Variants in RGPD2 observed in about 807,000 individuals in gnomAD.
The protein encoded by RGPD2 is RANBP2-like and GRIP domain-containing protein 2.
Under a neutral mutation model 36.0 loss-of-function variants are expected in RGPD2, and 2 were observed. That is an observed-to-expected ratio of 0.06 (90% CI 0.02 to 0.17). The LOEUF is 0.17. Among genes scored for constraint, RGPD2 ranks in the 10% least tolerant of loss-of-function variants. The pLI is 1.00. For synonymous variants in RGPD2, 19 were observed against 163.8 expected (o/e 0.12, Z 6.75); for missense variants, 40 against 464.3 (o/e 0.09, Z 8.40).
the RGPD2 span, among the ~76,000 whole-genome samples, chr2:87,880,294 G>A: frequency 6.6e-6 from 1 of 151,726 alleles, no homozygotes; most frequent in Admixed American, 6.6e-5. Context: ...TTCATTTGCT[G>A]TGCAAATGAT....
the RGPD2 span, among the ~76,000 whole-genome samples, chr2:87,848,957 C>A: frequency 1.3e-5 from 2 of 149,816 alleles, no homozygotes; most frequent in Non-Finnish European, 3.0e-5. Flanking sequence ...TTCTCAGAGA[C>A]CTATGACAAA....
chr2:87,889,343 GTT>G, the RGPD2 span, among the ~76,000 whole-genome samples: 2 of 30,192 alleles, frequency 6.6e-5, no homozygotes, highest in African/African-American at 2.8e-4. Context: ...ATAAACTACT[GTT>G]TTTTTTAAAA....
the RGPD2 span, among the ~76,000 whole-genome samples, chr2:87,984,171 A>C: frequency 6.6e-6 from 1 of 151,380 alleles, no homozygotes; most frequent in African/African-American, 2.4e-5. Context: ...AATAAGATAA[A>C]ATTTCTCAGG....
At chr2:87,878,635 A>T in the RGPD2 span, among the ~76,000 whole-genome samples, 2 of 152,262 alleles carry the variant, frequency 1.3e-5, no homozygotes, top group African/African-American at 4.8e-5. Flanking sequence ...ATACATTATT[A>T]TTAACTATAG....
At chr2:87,857,615 G>A in the RGPD2 span, among the ~76,000 whole-genome samples, 3 of 150,262 alleles carry the variant, frequency 2.0e-5, no homozygotes, top group South Asian at 2.1e-4. Flanking sequence ...GTGAGCCACC[G>A]CGCCTGGCCC....
At chr2:87,924,424 G>A in the RGPD2 span, among the ~76,000 whole-genome samples, 1 of 149,592 alleles carries the variant, frequency 6.7e-6, no homozygotes, top group Non-Finnish European at 1.5e-5. Context: ...CGTTCGAGCA[G>A]TGAGGATTCT....
the RGPD2 span, among the ~76,000 whole-genome samples, chr2:87,872,026 C>CT: frequency 1.4e-5 from 2 of 144,828 alleles, no homozygotes. Flanking sequence ...TCACATAGGC[C>CT]TAAGAGGCAT....
At chr2:87,866,467 A>G in the RGPD2 span, among the ~76,000 whole-genome samples, 1 of 152,066 alleles carries the variant, frequency 6.6e-6, no homozygotes, top group African/African-American at 2.4e-5. Flanking sequence ...CATCATTTTG[A>G]ATATTATTGA....
At chr2:87,872,384 CA>C in the RGPD2 span, among the ~76,000 whole-genome samples, 2 of 150,934 alleles carry the variant, frequency 1.3e-5, no homozygotes, top group African/African-American at 4.9e-5. Flanking sequence ...ACATGATAAA[CA>C]GAAAAAAAAA....
chr2:87,915,550 GTA>G, the RGPD2 span, among the ~76,000 whole-genome samples: 1 of 137,498 alleles, frequency 7.3e-6, no homozygotes, highest in Non-Finnish European at 1.6e-5. Context: ...ATATATATGT[GTA>G]TGTGTATATA....
At chr2:87,971,486 T>TAAATATATA in the RGPD2 span, among the ~76,000 whole-genome samples, 2 of 132,130 alleles carry the variant, frequency 1.5e-5, no homozygotes, top group Non-Finnish European at 1.6e-5. Context: ...GAATATATTA[T>TAAATATATA]TATCTTCTCT....
At chr2:87,864,999 A>G in the RGPD2 span, among the ~76,000 whole-genome samples, 35 of 151,634 alleles carry the variant, frequency 2.3e-4, no homozygotes, top group African/African-American at 7.6e-4. Context: ...TTGTTATGCT[A>G]TGACTAACCT....
the RGPD2 span, among the ~76,000 whole-genome samples, chr2:87,861,601 T>C: frequency 2.0e-5 from 3 of 152,218 alleles, no homozygotes; most frequent in Non-Finnish European, 4.4e-5. Context: ...AAGAGGTAGA[T>C]CAAGGATCTA....
chr2:87,844,357 A>C, the RGPD2 span, among the ~76,000 whole-genome samples: 1 of 151,182 alleles, frequency 6.6e-6, no homozygotes, highest in East Asian at 1.9e-4. Flanking sequence ...TGATATTTTT[A>C]ATTTTATAAT....
the RGPD2 span, among the ~76,000 whole-genome samples, chr2:87,836,324 C>CGGAA: frequency 0.13 from 18,092 of 143,232 alleles, 1,218 homozygotes; most frequent in South Asian, 0.25. Context: ...AGAGGGAGGA[C>CGGAA]GGAAGGAAGG....
the RGPD2 span, among the ~76,000 whole-genome samples, chr2:87,988,303 T>TAATA: frequency 7.5e-6 from 1 of 132,682 alleles, no homozygotes; most frequent in Non-Finnish European, 1.6e-5. Flanking sequence ...ATTAAGATAA[T>TAATA]TCTGATTGTA....
chr2:87,937,860 A>C, the RGPD2 span, among the ~76,000 whole-genome samples: 1 of 151,948 alleles, frequency 6.6e-6, no homozygotes, highest in Non-Finnish European at 1.5e-5. Context: ...GTAGATGTCA[A>C]TTACATTGGA....
At chr2:87,939,472 G>A in the RGPD2 span, among the ~76,000 whole-genome samples, 3 of 151,908 alleles carry the variant, frequency 2.0e-5, no homozygotes, top group Non-Finnish European at 4.4e-5. Context: ...TCAGGGTCAC[G>A]TGTTGTCCCT....
the RGPD2 span, among the ~76,000 whole-genome samples, chr2:87,876,092 GTTTTC>G: frequency 1.3e-4 from 20 of 150,134 alleles, no homozygotes; most frequent in East Asian, 3.1e-3. Flanking sequence ...ATTTGATTCT[GTTTTC>G]TTTTCTTCTG....
Sources: gnomAD v4.1 joint callset for allele counts (sites outside exome capture counted in the v4.1 genomes callset) on GRCh38, gnomAD v4.1.1 for gene constraint, MANE v1.5 for transcripts, NCBI Gene and HGNC (gene_info 2026-07-23, HGNC 2026-07-21) for gene names.